PRPF18: variants seen among roughly 807,000 people sequenced by gnomAD.
The protein encoded by PRPF18 is pre-mRNA-splicing factor 18.
In PRPF18, 38 loss-of-function variants were observed where a neutral mutation model predicts 46.5. That is an observed-to-expected ratio of 0.82 (90% CI 0.63 to 1.07). The LOEUF (loss-of-function observed/expected upper bound fraction) is 1.07. Among genes scored for constraint, PRPF18 ranks in the 50% least tolerant of loss-of-function variants. PRPF18 has a pLI of 0.00. For missense variants in PRPF18, 263 were observed against 410.0 expected, an observed-to-expected ratio of 0.64 and a Z score of 3.10; for synonymous variants, 152 against 146.7, an observed-to-expected ratio of 1.04 and a Z score of -0.26.
the PRPF18 span, chr10:13,654,658 C>T: frequency 8.1e-6 from 5 of 616,028 alleles, no homozygotes; most frequent in East Asian, 1.4e-4. Context: ...AGCAGGGTCT[C>T]AGCATCCCTA....
chr10:13,588,575 C>CT (rs1161151887), intron 1 of PRPF18, among the ~76,000 whole-genome samples: 6 of 129,310 alleles, frequency 4.6e-5, no homozygotes, highest in Admixed American at 3.1e-4. Context: ...GTCCCTGTCT[C>CT]TAAAAAAAAA....
the PRPF18 span, chr10:13,655,683 T>C: frequency 6.6e-6 from 1 of 152,214 alleles, no homozygotes; most frequent in East Asian, 1.9e-4. Flanking sequence ...AACCCCCCAT[T>C]ATCTCAGGTC....
chr10:13,609,990 G>T (rs868762707), intron 4 of PRPF18, 49 bp from the exon 5 acceptor site: 2 of 1,505,108 alleles, frequency 1.3e-6, no homozygotes, highest in Non-Finnish European at 1.8e-6. Context: ...GAAAAAACAG[G>T]TGTTCTTCCT....
the PRPF18 span, chr10:13,647,115 A>T: frequency 5.1e-6 from 1 of 195,362 alleles, no homozygotes. Flanking sequence ...ACTGAGAAGG[A>T]TATGTTCACC....
chr10:13,622,786 C>G (rs559043632), intron 9 of PRPF18, among the ~76,000 whole-genome samples: 8 of 152,310 alleles, frequency 5.3e-5, no homozygotes, highest in African/African-American at 1.9e-4. Flanking sequence ...CTTATTAGAA[C>G]CAGCCTGCAG....
At chr10:13,607,280 G>T (rs1344236412) in intron 4 of PRPF18, among the ~76,000 whole-genome samples, 1 of 152,078 alleles carries the variant, frequency 6.6e-6, no homozygotes, top group Non-Finnish European at 1.5e-5. Flanking sequence ...TTTGTAAATG[G>T]ATTATAGGAA....
At chr10:13,603,747 G>A (rs1166569860) in intron 3 of PRPF18, among the ~76,000 whole-genome samples, 1 of 152,190 alleles carries the variant, frequency 6.6e-6, no homozygotes, top group Non-Finnish European at 1.5e-5. Flanking sequence ...CTCGCAAGTT[G>A]ACATGTTTGT....
the PRPF18 span, chr10:13,645,765 C>A: frequency 6.6e-6 from 1 of 152,542 alleles, no homozygotes; most frequent in Admixed American, 6.5e-5. Context: ...TAGGAGAAGT[C>A]GGATCTGAGC....
At chr10:13,639,450 T>A in the PRPF18 span, 6 of 152,186 alleles carry the variant, frequency 3.9e-5, no homozygotes, top group African/African-American at 1.4e-4. Flanking sequence ...AAAAGCAGCT[T>A]GATATGCTTT....
chr10:13,638,231 G>A, the PRPF18 span: 1 of 151,456 alleles, frequency 6.6e-6, no homozygotes, highest in African/African-American at 2.4e-5. Context: ...ATGCTTGGTG[G>A]CCATCCTGCA....
chr10:13,624,914 A>T (rs2080477079), intron 9 of PRPF18, among the ~76,000 whole-genome samples: 1 of 152,246 alleles, frequency 6.6e-6, no homozygotes, highest in African/African-American at 2.4e-5. Context: ...ATGTTCACCT[A>T]AGATTCATCA....
intron 9 of PRPF18, among the ~76,000 whole-genome samples, chr10:13,619,981 G>A (rs1437484896): frequency 6.6e-6 from 1 of 151,660 alleles, no homozygotes; most frequent in African/African-American, 2.4e-5. Context: ...AGAAGAATGC[G>A]GCCACCCTAT....
chr10:13,655,692 T>G, the PRPF18 span: 7 of 152,350 alleles, frequency 4.6e-5, no homozygotes, highest in African/African-American at 1.4e-4. Context: ...TTATCTCAGG[T>G]CACTCTGTTT....
intron 5 of PRPF18, 36 bp from the exon 6 acceptor site, chr10:13,611,579 T>C: frequency 6.4e-7 from 1 of 1,564,484 alleles, no homozygotes; most frequent in Non-Finnish European, 8.8e-7. Flanking sequence ...TGTTGCTCTG[T>C]ATTAATGAAC....
chr10:13,596,525 T>C (rs529663817), intron 1 of PRPF18, among the ~76,000 whole-genome samples: 1 of 152,320 alleles, frequency 6.6e-6, no homozygotes, highest in South Asian at 2.1e-4. Context: ...CAGGTAATAT[T>C]ATATCATTAC....
At chr10:13,637,503 C>T in the PRPF18 span, among the ~76,000 whole-genome samples, 2 of 152,170 alleles carry the variant, frequency 1.3e-5, no homozygotes, top group Non-Finnish European at 2.9e-5. Flanking sequence ...TCAATGCTTA[C>T]TTTTGTCCAT....
chr10:13,595,204 A>G (rs938511335), intron 1 of PRPF18, among the ~76,000 whole-genome samples: 31 of 152,052 alleles, frequency 2.0e-4, no homozygotes, highest in African/African-American at 7.2e-4. Context: ...GGGGCACATA[A>G]TGTCTTAGTA....
At chr10:13,645,561 A>C in the PRPF18 span, 2 of 152,572 alleles carry the variant, frequency 1.3e-5, no homozygotes, top group Non-Finnish European at 2.9e-5. Flanking sequence ...CCCACACATT[A>C]ATTTTTTTCT....
At chr10:13,625,873 A>G (rs1201710467) in intron 9 of PRPF18, among the ~76,000 whole-genome samples, 1 of 152,238 alleles carries the variant, frequency 6.6e-6, no homozygotes, top group Non-Finnish European at 1.5e-5. Flanking sequence ...CTGAACCATC[A>G]AGTGAAGGGT....
Sources: allele counts gnomAD v4.1 joint callset (sites outside exome capture counted in the v4.1 genomes callset), GRCh38; gene constraint gnomAD v4.1.1; transcripts MANE v1.5; gene names NCBI Gene and HGNC (gene_info 2026-07-23, HGNC 2026-07-21).